The following SH3GLB2 variants were observed in gnomAD, a reference collection of about 807,000 sequenced individuals.
SH3GLB2 encodes the protein endophilin-B2.
SH3GLB2 carries 24 observed loss-of-function variants against 48.0 expected under a neutral mutation model. That is an observed-to-expected ratio of 0.50 (90% confidence interval 0.36 to 0.70). The LOEUF (loss-of-function observed/expected upper bound fraction) is 0.70, where lower values mean the gene tolerates loss of function less well. Among genes scored for constraint, SH3GLB2 ranks in the 30% least tolerant of loss-of-function variants. The pLI is 0.00. For synonymous variants in SH3GLB2, 227 were observed against 207.6 expected (o/e 1.09, Z -0.80); for missense variants, 425 against 516.0 (o/e 0.82, Z 1.71).
chr9:129,021,351 A>C, intron 2 of SH3GLB2, 132 bp from the exon 3 acceptor site: 1 of 1,142,548 alleles, frequency 8.8e-7, no homozygotes, highest in South Asian at 1.7e-5. Flanking sequence ...GCTCTTGCTC[A>C]TGCCCAACCC....
At chr9:129,015,614 C>T (rs762235883) in intron 3 of SH3GLB2, 1 of 154,890 alleles carries the variant, frequency 6.5e-6, no homozygotes, top group Non-Finnish European at 1.4e-5. Context: ...AGCAGCGCCT[C>T]AGCACCTACG....
chr9:129,009,402 C>T, intron 9 of SH3GLB2, 56 bp from the exon 10 acceptor site: 4 of 1,550,594 alleles, frequency 2.6e-6, no homozygotes, highest in Non-Finnish European at 3.5e-6. Context: ...ACCCCAGAGG[C>T]AAACTCCCCT....
chr9:129,012,297 G>T lies in SH3GLB2; in HGVS notation c.563C>A (p.Thr188Lys). Reference protein sequence around the residue: ...KAKAAEAKATTVPDFQETRPR... With the variant: ...KAKAAEAKATKVPDFQETRPR... Reference sequence around the variant, plus strand: ...TCTAGTCTCCTGAAAGTCAGGCACCGTCTGGCGGGGAACAGAGTTCATGTG... The same window carrying T: ...TCTAGTCTCCTGAAAGTCAGGCACCTTCTGGCGGGGAACAGAGTTCATGTG... Residue 188 changes from threonine (T) to lysine (K), a missense_variant and splice_region_variant, in exon 6 of 11, where the codon ACG becomes AAG. By Grantham distance (78) the Thr-to-Lys change is moderately conservative. Coordinates refer to ENST00000372564, the MANE Select transcript of SH3GLB2 (RefSeq NM_020145.4). The T allele has an allele frequency of 7.7e-7, 1 of 1,301,462 alleles. No homozygotes were observed. The highest frequency in any genetic ancestry group is 9.8e-7 in the Non-Finnish European group (1 of 1,017,766). The allele number at this position is 1,301,462 out of a possible 1,614,324, so 80.6% of individuals were successfully genotyped here.
At position 129,014,699 on chromosome 9, in the gene SH3GLB2, G is replaced by GCC; in HGVS notation, c.468+70_468+71dup. ...TTTGTAGCCCCAGCACTGGAAGAGAGCCTGTACTCAAAGGCTCTGAGGAGG... is the reference window on the plus strand; with the variant it reads ...TTTGTAGCCCCAGCACTGGAAGAGAGCCCCTGTACTCAAAGGCTCTGAGGAGG... On this transcript the variant is annotated intron_variant, in intron 4 of 10. Transcript: ENST00000372564. This position sits in a 1 kb window ranked among gnomAD's most constrained non-coding sequence, Gnocchi z 4.1. 1 of 1,569,224 alleles carries GCC rather than the reference G, an allele frequency of 6.4e-7. No homozygotes were observed. The highest frequency in any genetic ancestry group is 1.8e-5 in the Admixed American group (1 of 54,100).
intron 1 of SH3GLB2, among the ~76,000 whole-genome samples, chr9:129,024,546 G>C (rs144457451): frequency 0.01 from 1,497 of 144,010 alleles, 34 homozygotes; most frequent in African/African-American, 0.037. Context: ...CACAGAGTGC[G>C]ACTCAGTCTC....
At chr9:129,015,302 C>A (rs1166504772) in intron 3 of SH3GLB2, among the ~76,000 whole-genome samples, 2 of 151,958 alleles carry the variant, frequency 1.3e-5, no homozygotes, top group Admixed American at 1.3e-4. Context: ...TTCCAGACCA[C>A]CCTGGGCAAC....
At chr9:129,016,429 G>T (rs571419288) in intron 3 of SH3GLB2, among the ~76,000 whole-genome samples, 194 of 150,930 alleles carry the variant, frequency 1.3e-3, no homozygotes, top group Non-Finnish European at 2.3e-3. Context: ...GGAAGGCTGA[G>T]GCAGGCGGAT....
At chr9:129,018,750 G>A (rs1843601853) in intron 3 of SH3GLB2, among the ~76,000 whole-genome samples, 1 of 151,262 alleles carries the variant, frequency 6.6e-6, no homozygotes, top group South Asian at 2.1e-4. Flanking sequence ...AAAATTAGCC[G>A]AGCGTGGTGG....
chr9:129,023,193 G>A (rs751807297), intron 1 of SH3GLB2, among the ~76,000 whole-genome samples: 5 of 152,278 alleles, frequency 3.3e-5, no homozygotes, highest in Middle Eastern at 3.4e-3. Flanking sequence ...GAGGGAGGAT[G>A]GCCAAACGGT....
chr9:129,012,061 G>A, intron 6 of SH3GLB2, 175 bp downstream of exon 6: 3 of 410,488 alleles, frequency 7.3e-6, no homozygotes, highest in Non-Finnish European at 1.3e-5. Context: ...GGGCCAGGCC[G>A]TGGACAGAGG....
At chr9:129,018,560 G>C (rs905367017) in intron 3 of SH3GLB2, among the ~76,000 whole-genome samples, 2 of 148,066 alleles carry the variant, frequency 1.4e-5, no homozygotes, top group Non-Finnish European at 1.5e-5. Context: ...CTAGGTGACA[G>C]AGAGAGACTC....
Position 129,011,551 on chromosome 9 carries a change from T to C in SH3GLB2, c.624+685A>G, listed in dbSNP as rs1292377869. ...AAAGTGGGCAGACAAGGTGTAGCAG[T>C]GGTGACAAGCATGAGGGAGAGGTGT... On this transcript the variant is annotated intron_variant, in intron 6 of 10. Coordinates refer to ENST00000372564, the MANE Select transcript of SH3GLB2 (RefSeq NM_020145.4). This position sits in a 1 kb window ranked among gnomAD's most constrained non-coding sequence, Gnocchi z 4.5. The C allele has an allele frequency of 6.6e-6, 1 of 152,170 alleles. No homozygotes were observed. Among genetic ancestry groups the C allele is most frequent in the East Asian group, 1.9e-4 (1 of 5,178 alleles). 9.4% of individuals were successfully genotyped at this position (152,170 alleles called of 1,614,324 possible). A position where few individuals can be genotyped will look rare whatever the true frequency, so the allele number is the denominator to read the frequency against.
chr9:129,012,774 T>A (rs1297998402), intron 5 of SH3GLB2: 1 of 580,434 alleles, frequency 1.7e-6, no homozygotes, highest in Non-Finnish European at 3.1e-6. Flanking sequence ...GGTGGACAGA[T>A]GGATGCATGG....
chr9:129,020,535 C>T (rs1479813241), intron 3 of SH3GLB2, among the ~76,000 whole-genome samples: 2 of 145,852 alleles, frequency 1.4e-5, no homozygotes, highest in East Asian at 2.0e-4. Context: ...CGCACCACCG[C>T]ACTCCAGCCT....
In SH3GLB2 at chr9:129,024,969, C is replaced by CA. The variant is rs1314613758; in HGVS notation, c.64-2547dup. Among the ~76,000 whole-genome samples the CA allele has an allele frequency of 1.1e-3, 135 of 124,408 alleles. No individual in the cohort carries two copies. In the Middle Eastern group the frequency reaches 0.013, roughly 12 times the overall value. 81.6% of individuals were successfully genotyped at this position (124,408 alleles called of 152,430 possible). A position where few individuals can be genotyped will look rare whatever the true frequency, so the allele number is the denominator to read the frequency against. On this transcript the variant is annotated intron_variant, in intron 1 of 10. Transcript: ENST00000372564. The stretch of plus-strand genomic sequence containing the variant: ...TGGGTGACAGAGCGAGACTCCATCT[C>CA]AAAAAAAAAAAAAGACAGCAAGGAA...
chr9:129,019,708 CAAAAAAAAAAA>C (rs1216460109), intron 3 of SH3GLB2, among the ~76,000 whole-genome samples: 7 of 57,880 alleles, frequency 1.2e-4, no homozygotes, highest in Non-Finnish European at 2.5e-4. Flanking sequence ...GACTCTGCCT[CAAAAAAAAAAA>C]AAAAAAAAAA....
At chr9:129,020,856 C>T (rs560838193) in intron 3 of SH3GLB2, among the ~76,000 whole-genome samples, 1 of 148,746 alleles carries the variant, frequency 6.7e-6, no homozygotes, top group East Asian at 2.0e-4. Context: ...GGCGACAGAG[C>T]GAGACTCCAT....
At chr9:129,012,418 C>T (rs912950450) in intron 5 of SH3GLB2, 120 bp from the exon 6 acceptor site, 8 of 525,612 alleles carry the variant, frequency 1.5e-5, no homozygotes, top group Non-Finnish European at 2.1e-5. Context: ...ACCCCAGGGA[C>T]GGGGATACAA....
At chr9:129,021,359 C>T (rs1843783384) in intron 2 of SH3GLB2, 140 bp from the exon 3 acceptor site, 24 of 1,060,076 alleles carry the variant, frequency 2.3e-5, no homozygotes, top group Non-Finnish European at 2.9e-5. Flanking sequence ...TCATGCCCAA[C>T]CCTGAGACTG....
Sources: allele counts gnomAD v4.1 joint callset (sites outside exome capture counted in the v4.1 genomes callset), GRCh38; gene constraint gnomAD v4.1.1; non-coding constraint Gnocchi (gnomAD v3.1); transcripts MANE v1.5; gene names NCBI Gene and HGNC (gene_info 2026-07-23, HGNC 2026-07-21).